The following PRR14L variants were observed in gnomAD, a reference collection of about 807,000 sequenced individuals.
PRR14L encodes protein PRR14L.
PRR14L carries 80 observed loss-of-function variants against 155.0 expected under a neutral mutation model. The observed-to-expected ratio is 0.52, with a 90% CI of 0.43 to 0.62. PRR14L has a LOEUF of 0.62. Ranked by LOEUF, PRR14L falls within the 20% of genes least tolerant of loss-of-function variation. PRR14L has a pLI of 0.00. For missense variants in PRR14L, 2,469 were observed against 2,548.0 expected, an observed-to-expected ratio of 0.97 and a Z score of 0.67; for synonymous variants, 883 against 916.0, an observed-to-expected ratio of 0.96 and a Z score of 0.65.
intron 7 of PRR14L, among the ~76,000 whole-genome samples, chr22:31,690,010 G>A (rs1465649497): frequency 3.3e-5 from 5 of 151,894 alleles, no homozygotes; most frequent in Admixed American, 2.6e-4. Flanking sequence ...TCTACCTCCC[G>A]GGTTCAAGCG....
rs185007099 is a variant in PRR14L, at chr22:31,684,438, G to T, written c.*1089C>A. ...GTCAGCCTGTATCACTGCCCAAGCC[G>T]TTGTACTCAATTTTGTTACCTAACA... On this transcript the variant is annotated 3_prime_UTR_variant, in exon 9 of 9. Transcript: ENST00000327423. The T allele has an allele frequency of 6.6e-6, 1 of 152,180 alleles. No homozygotes were observed. Among genetic ancestry groups the T allele is most frequent in the African/African-American group, 2.4e-5 (1 of 41,434 alleles). The allele number at this position is 152,180 out of a possible 1,614,324, so 9.4% of individuals were successfully genotyped here. A position where few individuals can be genotyped will look rare whatever the true frequency, so the allele number is the denominator to read the frequency against.
At position 31,738,612 on chromosome 22, in the gene PRR14L, C is replaced by T; in HGVS notation, c.249G>A (p.Leu83=). Residue 83 remains leucine, a synonymous_variant, in exon 2 of 9, where the codon TTG becomes TTA. Transcript: ENST00000327423. ...ATCGCCCAGGCTCACTCCCATGATC[C>T]AAGGTCTCATAGGTTTCTTCACAAC... The part of the protein sequence containing the change: ...ESCCEETYET[L]DHGSEPGRCG... The T allele has an allele frequency of 6.4e-7, 1 of 1,552,052 alleles. No individual in the cohort carries two copies. The highest frequency in any genetic ancestry group is 8.7e-7 in the Non-Finnish European group (1 of 1,147,076).
chr22:31,742,463 G>A (rs1006307695), intron 1 of PRR14L, among the ~76,000 whole-genome samples: 14 of 151,874 alleles, frequency 9.2e-5, no homozygotes, highest in Admixed American at 8.5e-4. Context: ...TGCCTCCCAG[G>A]TTCAAGGATT....
At position 31,735,351 on chromosome 22, in the gene PRR14L, G is replaced by C. The variant is rs1228096817; in HGVS notation, c.474+3036C>G. 1.3e-5 allele frequency among the ~76,000 whole-genome samples: 2 copies of C among 151,860 alleles called. 1 individual carries two copies. Among genetic ancestry groups the C allele is most frequent in the African/African-American group, 4.8e-5 (2 of 41,302 alleles). Reference sequence around the variant, plus strand: ...AGCTACTAGGGAGGCTGAGGCAGGAGAATGGCATGAACCTGGGAGGTGGAG... The same window carrying C: ...AGCTACTAGGGAGGCTGAGGCAGGACAATGGCATGAACCTGGGAGGTGGAG... On this transcript the variant is annotated intron_variant, in intron 2 of 8. Transcript: ENST00000327423.
intron 1 of PRR14L, among the ~76,000 whole-genome samples, chr22:31,741,490 C>T (rs2074812927): frequency 6.6e-6 from 1 of 151,670 alleles, no homozygotes; most frequent in Non-Finnish European, 1.5e-5. Flanking sequence ...AGCAATAAAA[C>T]AAAACAAAAC....
chr22:31,741,010 T>C (rs1228506246), intron 1 of PRR14L, among the ~76,000 whole-genome samples: 1 of 151,806 alleles, frequency 6.6e-6, no homozygotes, highest in East Asian at 1.9e-4. Context: ...TCCCAGCACT[T>C]TGGGAGGCCG....
intron 2 of PRR14L, among the ~76,000 whole-genome samples, chr22:31,729,556 A>G (rs1180923523): frequency 6.6e-6 from 1 of 152,172 alleles, no homozygotes; most frequent in Non-Finnish European, 1.5e-5. Flanking sequence ...CGATCCTAAG[A>G]CAGGAAATTA....
intron 1 of PRR14L, among the ~76,000 whole-genome samples, chr22:31,745,513 C>T (rs1438456620): frequency 6.6e-6 from 1 of 152,132 alleles, no homozygotes; most frequent in African/African-American, 2.4e-5. Context: ...TCTTTAAATT[C>T]CTGAATGCAA....
At chr22:31,701,592 ATTAT>A (rs1471010843) in intron 7 of PRR14L, 60 bp downstream of exon 7, 17 of 995,804 alleles carry the variant, frequency 1.7e-5, no homozygotes, top group Non-Finnish European at 2.5e-5. Flanking sequence ...TTAAAGGGCA[ATTAT>A]ATTATGACAA....
At chr22:31,690,366 G>A (rs1316719370) in intron 7 of PRR14L, among the ~76,000 whole-genome samples, 2 of 151,478 alleles carry the variant, frequency 1.3e-5, no homozygotes, top group East Asian at 2.0e-4. Flanking sequence ...TGATTTTTTC[G>A]TACAGGTGGG....
At chr22:31,698,686 C>T (rs1246804154) in intron 7 of PRR14L, among the ~76,000 whole-genome samples, 2 of 151,756 alleles carry the variant, frequency 1.3e-5, no homozygotes, top group Non-Finnish European at 2.9e-5. Flanking sequence ...TTTGGGAGGC[C>T]GAGGTGGGCG....
chr22:31,713,003 T>C lies in PRR14L; in HGVS notation c.4836A>G (p.Glu1612=). 1 of 1,552,104 alleles carries C rather than the reference T, an allele frequency of 6.4e-7. No homozygotes were observed. Among genetic ancestry groups the C allele is most frequent in the South Asian group, 1.2e-5 (1 of 84,060 alleles). ...RSLNFRKTTK[E]SALLNKLSIL... Reference sequence around the variant, plus strand: ...TGGACAGCTTGTTTAGTAAGGCTGATTCTTTGGTAGTCTTCCTAAAATTCA... The same window carrying C: ...TGGACAGCTTGTTTAGTAAGGCTGACTCTTTGGTAGTCTTCCTAAAATTCA... The change falls in exon 4 of 9, where the codon GAA becomes GAG. Residue 1612 remains glutamate (E), a synonymous_variant. Coordinates refer to ENST00000327423, the MANE Select transcript of PRR14L (RefSeq NM_173566.3).
intron 7 of PRR14L, among the ~76,000 whole-genome samples, chr22:31,692,296 A>C (rs1472818339): frequency 6.6e-6 from 1 of 152,042 alleles, no homozygotes; most frequent in Non-Finnish European, 1.5e-5. Context: ...AGATGTGTAT[A>C]AGGGTTTGAG....
chr22:31,693,986 C>G (rs1313554943), intron 7 of PRR14L, among the ~76,000 whole-genome samples: 2 of 152,140 alleles, frequency 1.3e-5, no homozygotes, highest in Non-Finnish European at 2.9e-5. Context: ...ACATATAAAA[C>G]ACACTATAGG....
Position 31,743,008 on chromosome 22 carries a change from C to T in PRR14L, c.-51-4097G>A, listed in dbSNP as rs542033543. Among the ~76,000 whole-genome samples, 7 of 152,260 alleles carry T rather than the reference C, an allele frequency of 4.6e-5. No homozygotes were observed. The South Asian group carries it at 1.5e-3, about 32-fold the overall frequency. ...GATCCCCTGTATAGGAATGTCTAGA[C>T]TAGGCAAATCTTACTATGAACCCAG... On this transcript the variant is annotated intron_variant, in intron 1 of 8. Coordinates refer to ENST00000327423, the MANE Select transcript of PRR14L (RefSeq NM_173566.3).
At chr22:31,685,833 C>A (rs1192567606) in intron 8 of PRR14L, 30 bp from the exon 9 acceptor site, 4 of 1,542,442 alleles carry the variant, frequency 2.6e-6, no homozygotes, top group Non-Finnish European at 8.8e-7. Context: ...CAATCACCAA[C>A]AGACTGACTC....
At chr22:31,691,228 T>C (rs1056449294) in intron 7 of PRR14L, among the ~76,000 whole-genome samples, 4 of 151,916 alleles carry the variant, frequency 2.6e-5, no homozygotes, top group African/African-American at 9.7e-5. Context: ...CGGCCTCCCA[T>C]AGTGCTGGGA....
intron 3 of PRR14L, among the ~76,000 whole-genome samples, chr22:31,718,756 A>C (rs1308052290): frequency 1.3e-5 from 2 of 149,622 alleles, no homozygotes; most frequent in Non-Finnish European, 2.9e-5. Flanking sequence ...AACTGTATTA[A>C]ACAGAAAAAG....
Position 31,701,770 on chromosome 22 carries a change from T to C in PRR14L, c.6001-8A>G. The C allele has an allele frequency of 1.2e-6, 2 of 1,602,414 alleles. No individual in the cohort carries two copies. Among genetic ancestry groups the C allele is most frequent in the Non-Finnish European group, 1.7e-6 (2 of 1,170,736 alleles). Reference sequence around the variant, plus strand: ...CCTCTTCTCTGGCTCAGCCTATTTTTAAGGATTAAGAAGAAAGATGGTCAA... The same window carrying C: ...CCTCTTCTCTGGCTCAGCCTATTTTCAAGGATTAAGAAGAAAGATGGTCAA... On this transcript the variant is annotated splice_polypyrimidine_tract_variant and splice_region_variant and intron_variant, in intron 6 of 8. Coordinates refer to ENST00000327423, the MANE Select transcript of PRR14L (RefSeq NM_173566.3).
Sources: allele counts gnomAD v4.1 joint callset (sites outside exome capture counted in the v4.1 genomes callset), GRCh38; gene constraint gnomAD v4.1.1; transcripts MANE v1.5; gene names NCBI Gene and HGNC (gene_info 2026-07-23, HGNC 2026-07-21).